The following PRPF18 variants were observed in gnomAD, a reference collection of about 807,000 sequenced individuals.
PRPF18 encodes pre-mRNA-splicing factor 18.
Under a neutral mutation model 46.5 loss-of-function variants are expected in PRPF18, and 38 were observed. The observed-to-expected ratio is 0.82, with a 90% CI of 0.63 to 1.07. PRPF18 has a LOEUF of 1.07. Among genes scored for constraint, PRPF18 ranks in the 50% least tolerant of loss-of-function variants. The pLI is 0.00. For missense variants in PRPF18, 263 were observed against 410.0 expected, an observed-to-expected ratio of 0.64 and a Z score of 3.10; for synonymous variants, 152 against 146.7, an observed-to-expected ratio of 1.04 and a Z score of -0.26.
chr10:13,587,288 G>C, intron 1 of PRPF18, 136 bp downstream of exon 1: 1 of 916,120 alleles, frequency 1.1e-6, no homozygotes, highest in Non-Finnish European at 1.7e-6. Context: ...ACTACCCCTG[G>C]TAGGCCCCCT....
At chr10:13,644,484 T>G in the PRPF18 span, 12 of 152,344 alleles carry the variant, frequency 7.9e-5, no homozygotes, top group Non-Finnish European at 1.5e-4. Flanking sequence ...CAGACTATCA[T>G]GATGTTTGTT....
At chr10:13,587,954 G>A (rs2079901066) in intron 1 of PRPF18, among the ~76,000 whole-genome samples, 1 of 152,158 alleles carries the variant, frequency 6.6e-6, no homozygotes, top group South Asian at 2.1e-4. Context: ...GGGAATTGCA[G>A]GAAAACCCGA....
chr10:13,591,147 A>G (rs1380451194), intron 1 of PRPF18, among the ~76,000 whole-genome samples: 4 of 152,166 alleles, frequency 2.6e-5, no homozygotes, highest in Non-Finnish European at 5.9e-5. Flanking sequence ...TGCATGATGT[A>G]AGGGAACATA....
chr10:13,641,145 C>G, the PRPF18 span: 3 of 152,196 alleles, frequency 2.0e-5, no homozygotes, highest in Non-Finnish European at 4.4e-5. Flanking sequence ...TATTGGCCCC[C>G]TCTACTTCCA....
chr10:13,623,954 A>G (rs1196467386), intron 9 of PRPF18, among the ~76,000 whole-genome samples: 1 of 152,194 alleles, frequency 6.6e-6, no homozygotes, highest in Admixed American at 6.5e-5. Flanking sequence ...TACCATCTTA[A>G]TCATTTTTAT....
the PRPF18 span, chr10:13,655,517 T>C: frequency 6.6e-6 from 1 of 150,440 alleles, no homozygotes; most frequent in East Asian, 1.9e-4. Context: ...ACCTGATCTT[T>C]GGAGCTTGTC....
intron 1 of PRPF18, among the ~76,000 whole-genome samples, chr10:13,594,840 T>G (rs2080011225): frequency 6.6e-6 from 1 of 152,256 alleles, no homozygotes; most frequent in Admixed American, 6.5e-5. Flanking sequence ...TGAGAAAATG[T>G]CTACCAAACA....
chr10:13,611,370 C>T (rs1251504457), intron 5 of PRPF18, among the ~76,000 whole-genome samples: 3 of 152,114 alleles, frequency 2.0e-5, no homozygotes, highest in Non-Finnish European at 1.5e-5. Flanking sequence ...TTGGTTCCCC[C>T]AAAAAGAAAT....
intron 1 of PRPF18, among the ~76,000 whole-genome samples, chr10:13,595,499 C>T (rs1020165763): frequency 3.9e-5 from 6 of 151,982 alleles, no homozygotes; most frequent in African/African-American, 7.2e-5. Flanking sequence ...TTTTAGATGC[C>T]GAAATAATAT....
chr10:13,636,432 A>T, the PRPF18 span, among the ~76,000 whole-genome samples: 1 of 152,124 alleles, frequency 6.6e-6, no homozygotes, highest in South Asian at 2.1e-4. Context: ...AATAAGTAAT[A>T]AATTAATTAA....
intron 3 of PRPF18, among the ~76,000 whole-genome samples, chr10:13,605,127 A>G (rs1589125124): frequency 6.6e-6 from 1 of 152,190 alleles, no homozygotes; most frequent in African/African-American, 2.4e-5. Context: ...TTTGATTTGG[A>G]AACATCTTTG....
At chr10:13,614,144 A>G in intron 8 of PRPF18, 58 bp downstream of exon 8, 2 of 1,277,758 alleles carry the variant, frequency 1.6e-6, no homozygotes, top group African/African-American at 1.5e-5. Flanking sequence ...TATGTACGTA[A>G]TATAATGTTC....
rs2079883638 is a variant in PRPF18 at position 13,587,114 on chromosome 10, C to T, written c.28C>T (p.Arg10Trp). 1.2e-6 allele frequency: 2 copies of T among 1,614,094 alleles called. No homozygotes were observed. Among genetic ancestry groups the T allele is most frequent in the South Asian group, 2.2e-5 (2 of 91,070 alleles). The change falls in exon 1 of 10, where the codon CGG becomes TGG. Residue 10 changes from arginine to tryptophan, a missense_variant. Transcript: ENST00000378572. Reference protein sequence around the residue: MDILKSEILRKRQLVEDRNL... With the variant: MDILKSEILWKRQLVEDRNL... ...GGACATTCTGAAATCAGAGATCCTT[C>T]GGAAGCGGCAGCTGGTGGAGGACAG...
At chr10:13,606,708 C>T (rs1323946810) in intron 4 of PRPF18, among the ~76,000 whole-genome samples, 4 of 120,002 alleles carry the variant, frequency 3.3e-5, no homozygotes, top group African/African-American at 1.2e-4. Flanking sequence ...GCACTCCAGC[C>T]TGGCGACAGA....
the PRPF18 span, among the ~76,000 whole-genome samples, chr10:13,637,419 T>C: frequency 6.6e-6 from 1 of 152,238 alleles, no homozygotes; most frequent in East Asian, 1.9e-4. Flanking sequence ...ATTTCTCTAA[T>C]GGCTAATATA....
At chr10:13,600,426 T>C in intron 3 of PRPF18, 78 bp downstream of exon 3, 1 of 1,065,102 alleles carries the variant, frequency 9.4e-7, no homozygotes, top group Non-Finnish European at 1.3e-6. Context: ...TCCAATAAGT[T>C]AAACGTCATT....
At position 13,610,104 on chromosome 10, in the gene PRPF18, C is replaced by T. The variant is rs755591804; in HGVS notation, c.429C>T (p.Val143=). The T allele has an allele frequency of 9.3e-6, 15 of 1,613,676 alleles. No homozygotes were observed. The highest frequency in any genetic ancestry group is 5.3e-5 in the African/African-American group (4 of 74,900). The change falls in exon 5 of 10, where the codon GTC becomes GTT. Residue 143 remains valine, a synonymous_variant. Coordinates refer to ENST00000378572, the MANE Select transcript of PRPF18 (RefSeq NM_003675.4). ...KIDQQYLNEI[V]GGQEPGEEDT... The stretch of plus-strand genomic sequence containing the variant: ...ATCAGCAGTACCTCAATGAAATCGT[C>T]GGCGGTCAGGAGCCTGGAGAGGAAG...
rs2079880746 is a variant in PRPF18, at chr10:13,586,976, G to C, written c.-111G>C. On this transcript the variant is annotated 5_prime_UTR_variant, in exon 1 of 10. Transcript: ENST00000378572. Reference sequence around the variant, plus strand: ...AAGCGGCTCCTGTCAGTTGTTCTCAGGTGTTTGGGCTTGTTGTTCCGTATA... The same window carrying C: ...AAGCGGCTCCTGTCAGTTGTTCTCACGTGTTTGGGCTTGTTGTTCCGTATA... The C allele has an allele frequency of 3.1e-5, 35 of 1,111,636 alleles. 3 individuals carry two copies. In the South Asian group the frequency reaches 4.3e-4, roughly 14 times the overall value. 68.9% of individuals were successfully genotyped at this position (1,111,636 alleles called of 1,614,324 possible). A position where few individuals can be genotyped will look rare whatever the true frequency, so the allele number is the denominator to read the frequency against.
At chr10:13,642,631 A>C in the PRPF18 span, 38 of 152,240 alleles carry the variant, frequency 2.5e-4, no homozygotes, top group African/African-American at 8.9e-4. Context: ...CCTATCTACC[A>C]GTTGCTTTCA....
Sources: allele counts gnomAD v4.1 joint callset (sites outside exome capture counted in the v4.1 genomes callset), GRCh38; gene constraint gnomAD v4.1.1; transcripts MANE v1.5; gene names NCBI Gene and HGNC (gene_info 2026-07-23, HGNC 2026-07-21).